The following SV2C variants were observed in gnomAD, a reference collection of about 807,000 sequenced individuals.
SV2C encodes solute carrier family 22 member B3.
SV2C carries 49 observed loss-of-function variants against 79.7 expected under a neutral mutation model. The ratio of observed to expected loss-of-function variants is 0.61; its 90% CI spans 0.49 to 0.78. The LOEUF (loss-of-function observed/expected upper bound fraction) is 0.78. Ranked by LOEUF, SV2C falls within the 30% of genes least tolerant of loss-of-function variation. The pLI is 0.00. For synonymous variants in SV2C, 334 were observed against 333.2 expected, an observed-to-expected ratio of 1.00 and a Z score of -0.03; for missense variants, 833 against 912.9, an observed-to-expected ratio of 0.91 and a Z score of 1.13.
At chr5:75,983,534 G>T in the SV2C span, among the ~76,000 whole-genome samples, 1 of 151,002 alleles carries the variant, frequency 6.6e-6, no homozygotes, top group African/African-American at 2.4e-5. Context: ...GTCATTCACA[G>T]GTCTCCTAAT....
chr5:76,185,798 C>A (rs2112309931), intron 2 of SV2C, among the ~76,000 whole-genome samples: 1 of 152,326 alleles, frequency 6.6e-6, no homozygotes, highest in East Asian at 1.9e-4. Context: ...TCCCCATTGT[C>A]CTGGTGATTC....
the SV2C span, among the ~76,000 whole-genome samples, chr5:75,907,069 C>T: frequency 4.6e-5 from 7 of 152,166 alleles, no homozygotes; most frequent in African/African-American, 1.7e-4. Flanking sequence ...AAGTTTTGGT[C>T]ATGTGCCCAA....
In SV2C at chr5:76,242,186, G is replaced by C. The variant is rs1745807855; in HGVS notation, c.913+32299G>C. The C allele has an allele frequency of 1.3e-5, 13 of 1,032,828 alleles. No homozygotes were observed. The South Asian group carries it at 1.6e-4, about 13-fold the overall frequency. The allele number at this position is 1,032,828 out of a possible 1,614,324, so 64.0% of individuals were successfully genotyped here. On this transcript the variant is annotated intron_variant, in intron 4 of 12. Coordinates refer to ENST00000502798, the MANE Select transcript of SV2C (RefSeq NM_014979.4). Reference sequence around the variant, plus strand: ...CAGGGGCCTTTTAGGCGTGGGCTCTGGCTTTGGAGGAGCAGGTTTAGCAGA... The same window carrying C: ...CAGGGGCCTTTTAGGCGTGGGCTCTCGCTTTGGAGGAGCAGGTTTAGCAGA...
the SV2C span, among the ~76,000 whole-genome samples, chr5:75,884,880 G>C: frequency 2.6e-5 from 4 of 152,034 alleles, no homozygotes; most frequent in African/African-American, 9.7e-5. Context: ...CTTCATTCTA[G>C]TGTGCAAAAA....
chr5:76,086,639 C>CAGAT (rs10695665), intron 1 of SV2C, among the ~76,000 whole-genome samples: 22 of 151,594 alleles, frequency 1.5e-4, no homozygotes, highest in African/African-American at 5.1e-4. Flanking sequence ...CAGCCCCTGG[C>CAGAT]ATATATAGTT....
chr5:76,017,070 C>T, the SV2C span, among the ~76,000 whole-genome samples: 3 of 152,170 alleles, frequency 2.0e-5, no homozygotes, highest in Admixed American at 2.0e-4. Context: ...ATAATTTCAT[C>T]ATGAAAAGAT....
chr5:76,347,604 G>GC (rs1001376396), intron 12 of SV2C, among the ~76,000 whole-genome samples: 3 of 152,040 alleles, frequency 2.0e-5, no homozygotes, highest in Admixed American at 2.0e-4. Context: ...ACAATGCCCG[G>GC]CTAATTTTTG....
intron 3 of SV2C, among the ~76,000 whole-genome samples, chr5:76,203,256 A>G (rs1358139795): frequency 6.6e-6 from 1 of 152,172 alleles, no homozygotes; most frequent in African/African-American, 2.4e-5. Context: ...CTGCACCTCC[A>G]ACAACTGGTG....
At chr5:76,325,262 C>A in intron 12 of SV2C, 102 bp from the exon 13 acceptor site, 2 of 1,248,102 alleles carry the variant, frequency 1.6e-6, no homozygotes, top group Non-Finnish European at 2.3e-6. Flanking sequence ...ATATACAACA[C>A]AATCTGAGGG....
intron 4 of SV2C, among the ~76,000 whole-genome samples, chr5:76,230,801 A>C (rs187755328): frequency 1.2e-3 from 161 of 135,524 alleles, no homozygotes; most frequent in African/African-American, 5.5e-3. Context: ...AAGAAAAAAA[A>C]AGAAAAGAAA....
At chr5:75,922,116 T>A in the SV2C span, among the ~76,000 whole-genome samples, 2 of 152,120 alleles carry the variant, frequency 1.3e-5, no homozygotes, top group South Asian at 4.1e-4. Flanking sequence ...TTTACATATA[T>A]TTTACTAACT....
chr5:76,296,601 G>A (rs964016648), intron 9 of SV2C, among the ~76,000 whole-genome samples: 1 of 152,166 alleles, frequency 6.6e-6, no homozygotes, highest in Non-Finnish European at 1.5e-5. Flanking sequence ...TTATATCCAA[G>A]TATTTTTGTT....
chr5:76,030,289 T>TTTTTTTATTTATTTATTTA, the SV2C span, among the ~76,000 whole-genome samples: 2 of 117,912 alleles, frequency 1.7e-5, no homozygotes, highest in African/African-American at 7.8e-5. Context: ...TTTTTTTTTT[T>TTTTTTTATTTATTTATTTA]TTTATTTATT....
At chr5:76,079,651 T>C (rs1746950739), upstream of SV2C, 2 of 347,280 alleles carry the variant, frequency 5.8e-6, no homozygotes, top group South Asian at 3.2e-5. Context: ...TGCCACTCTA[T>C]GAAGAACAGC....
chr5:76,322,995 A>G (rs950386303), intron 12 of SV2C, among the ~76,000 whole-genome samples: 1 of 152,236 alleles, frequency 6.6e-6, no homozygotes, highest in Non-Finnish European at 1.5e-5. Flanking sequence ...TCATGATGAA[A>G]ACACCAAAAG....
In SV2C at chr5:76,164,721, A is replaced by AGTGTGTGTGTGTGTGTGTGTGTGT. The variant is rs10651569; in HGVS notation, c.581-30191_581-30168dup. On this transcript the variant is annotated intron_variant, in intron 2 of 12. Transcript: ENST00000502798. ...TTTGCTACTGTTGGGGATGGAACTC[A>AGTGTGTGTGTGTGTGTGTGTGTGT]GTGTGTGTGTGTGTGTGTGTGTGTG... 7.7e-4 allele frequency among the ~76,000 whole-genome samples: 109 copies of AGTGTGTGTGTGTGTGTGTGTGTGT among 141,894 alleles called. 1 individual carries two copies. Among genetic ancestry groups the AGTGTGTGTGTGTGTGTGTGTGTGT allele is most frequent in the East Asian group, 4.0e-3 (18 of 4,554 alleles). The allele number at this position is 141,894 out of a possible 152,430, so 93.1% of individuals were successfully genotyped here.
intron 12 of SV2C, among the ~76,000 whole-genome samples, chr5:76,302,937 A>G (rs1748060493): frequency 6.6e-6 from 1 of 152,104 alleles, no homozygotes; most frequent in Admixed American, 6.5e-5. Context: ...TCAATTTGCA[A>G]CTGATCTTGA....
chr5:76,085,148 T>A (rs1747141407), intron 1 of SV2C, among the ~76,000 whole-genome samples: 1 of 152,232 alleles, frequency 6.6e-6, no homozygotes, highest in African/African-American at 2.4e-5. Context: ...TCACTCATTT[T>A]CCATGGCAAG....
chr5:76,030,283 T>TA, the SV2C span, among the ~76,000 whole-genome samples: 193 of 121,448 alleles, frequency 1.6e-3, 6 homozygotes, highest in African/African-American at 6.0e-3. Context: ...TTTTTTTTTT[T>TA]TTTTTTTTTA....
Sources: allele counts gnomAD v4.1 joint callset (sites outside exome capture counted in the v4.1 genomes callset), GRCh38; gene constraint gnomAD v4.1.1; transcripts MANE v1.5; gene names NCBI Gene and HGNC (gene_info 2026-07-23, HGNC 2026-07-21).